PDE4D: variants seen among roughly 807,000 people sequenced by gnomAD.
PDE4D encodes the protein phosphodiesterase 4D.
PDE4D carries 24 observed loss-of-function variants against 87.4 expected under a neutral mutation model. The observed-to-expected ratio is 0.27, with a 90% CI of 0.20 to 0.39. The LOEUF is 0.39. Among genes scored for constraint, PDE4D ranks in the 10% least tolerant of loss-of-function variants. The pLI is 1.00. For synonymous variants in PDE4D, 384 were observed against 383.2 expected, an observed-to-expected ratio of 1.00 and a Z score of -0.02; for missense variants, 714 against 1,041.0, an observed-to-expected ratio of 0.69 and a Z score of 4.32.
At chr5:59,485,152 C>T (rs894399091) in intron 1 of PDE4D, among the ~76,000 whole-genome samples, 4 of 152,126 alleles carry the variant, frequency 2.6e-5, no homozygotes, top group African/African-American at 9.7e-5. Flanking sequence ...TAGCCACTAG[C>T]ACAGTGGCTT....
chr5:59,582,016 A>G (rs1303289084), intron 1 of PDE4D, among the ~76,000 whole-genome samples: 2 of 152,130 alleles, frequency 1.3e-5, no homozygotes, highest in African/African-American at 4.8e-5. Flanking sequence ...TATTGGTCCT[A>G]AGTGTTTACA....
At chr5:60,405,688 T>C (rs994572731) in intron 1 of PDE4D, among the ~76,000 whole-genome samples, 3 of 152,236 alleles carry the variant, frequency 2.0e-5, no homozygotes, top group African/African-American at 7.2e-5. Context: ...AAAAGGAATA[T>C]TTGCTGGGTA....
At chr5:59,060,477 A>T (rs1259253802) in intron 5 of PDE4D, among the ~76,000 whole-genome samples, 4 of 152,234 alleles carry the variant, frequency 2.6e-5, no homozygotes, top group East Asian at 3.9e-4. Flanking sequence ...ATATCTGTTC[A>T]TTCACCATTT....
At chr5:59,196,981 A>C (rs1162080781) in intron 2 of PDE4D, among the ~76,000 whole-genome samples, 1 of 152,128 alleles carries the variant, frequency 6.6e-6, no homozygotes, top group Non-Finnish European at 1.5e-5. Flanking sequence ...CAGATAACCA[A>C]AATTAAAATA....
intron 1 of PDE4D, among the ~76,000 whole-genome samples, chr5:59,885,566 G>C (rs989250915): frequency 6.6e-6 from 1 of 152,110 alleles, no homozygotes; most frequent in African/African-American, 2.4e-5. Flanking sequence ...GACTCATTGA[G>C]AATTGGATAA....
At chr5:59,654,878 T>C (rs1744105821) in intron 1 of PDE4D, among the ~76,000 whole-genome samples, 1 of 152,182 alleles carries the variant, frequency 6.6e-6, no homozygotes, top group Admixed American at 6.5e-5. Context: ...ATACATGTAA[T>C]AGCATGCATT....
At chr5:60,004,891 T>C (rs1387757800) in intron 2 of PDE4D, among the ~76,000 whole-genome samples, 3 of 152,140 alleles carry the variant, frequency 2.0e-5, no homozygotes, top group Non-Finnish European at 4.4e-5. Flanking sequence ...GAAAACAGTA[T>C]GAAGATTCCT....
chr5:60,191,890 C>T (rs1282993243), intron 1 of PDE4D, among the ~76,000 whole-genome samples: 2 of 151,952 alleles, frequency 1.3e-5, no homozygotes, highest in Non-Finnish European at 2.9e-5. Context: ...AACCCAGCTA[C>T]TCAAGAGGCT....
intron 1 of PDE4D, among the ~76,000 whole-genome samples, chr5:59,288,299 A>G (rs1767372536): frequency 6.6e-6 from 1 of 151,488 alleles, no homozygotes; most frequent in Non-Finnish European, 1.5e-5. Context: ...AAAACACGCA[A>G]CTGACATACT....
chr5:59,815,947 C>G (rs1040171985), intron 1 of PDE4D, among the ~76,000 whole-genome samples: 1 of 152,142 alleles, frequency 6.6e-6, no homozygotes, highest in African/African-American at 2.4e-5. Context: ...GTATTCCAAG[C>G]ATACAAAAAT....
chr5:60,164,331 CA>C (rs1229277775), intron 2 of PDE4D, among the ~76,000 whole-genome samples: 1 of 152,026 alleles, frequency 6.6e-6, no homozygotes, highest in African/African-American at 2.4e-5. Flanking sequence ...CACTGGTCAA[CA>C]AATAAACCTG....
At chr5:59,074,945 G>C (rs542741360) in intron 5 of PDE4D, among the ~76,000 whole-genome samples, 1 of 152,132 alleles carries the variant, frequency 6.6e-6, no homozygotes, top group South Asian at 2.1e-4. Flanking sequence ...ACTATTAATA[G>C]AGATTATTTT....
intron 1 of PDE4D, among the ~76,000 whole-genome samples, chr5:59,413,808 A>G (rs1469647226): frequency 2.0e-5 from 3 of 152,218 alleles, no homozygotes; most frequent in Non-Finnish European, 1.5e-5. Flanking sequence ...TAGATAAAAT[A>G]GGGACATTTT....
At chr5:59,985,148 T>TA (rs1762321012) in intron 3 of PDE4D, among the ~76,000 whole-genome samples, 2 of 126,876 alleles carry the variant, frequency 1.6e-5, no homozygotes, top group East Asian at 3.7e-4. Context: ...GTTTTTTGTT[T>TA]TTTATTTTGA....
intron 3 of PDE4D, among the ~76,000 whole-genome samples, chr5:59,984,914 A>G (rs1330431125): frequency 6.6e-6 from 1 of 152,044 alleles, no homozygotes; most frequent in Non-Finnish European, 1.5e-5. Context: ...TTGACCATCA[A>G]AGATTTGCAA....
intron 1 of PDE4D, among the ~76,000 whole-genome samples, chr5:60,404,378 G>A (rs1000427433): frequency 6.6e-6 from 1 of 152,138 alleles, no homozygotes; most frequent in Non-Finnish European, 1.5e-5. Flanking sequence ...GAAACTGGAA[G>A]TCTTCCCCAG....
intron 3 of PDE4D, among the ~76,000 whole-genome samples, chr5:59,921,313 T>G (rs1371302581): frequency 6.6e-6 from 1 of 152,162 alleles, no homozygotes; most frequent in Non-Finnish European, 1.5e-5. Flanking sequence ...AACAGCATAA[T>G]GGCCATTCAT....
intron 1 of PDE4D, among the ~76,000 whole-genome samples, chr5:59,465,967 TG>T (rs1319162862): frequency 6.6e-6 from 1 of 152,216 alleles, no homozygotes; most frequent in Non-Finnish European, 1.5e-5. Flanking sequence ...TGTTTTGTTT[TG>T]TTTTTTTAGA....
chr5:60,055,169 G>A (rs1329892604), intron 2 of PDE4D, among the ~76,000 whole-genome samples: 1 of 151,898 alleles, frequency 6.6e-6, no homozygotes, highest in Non-Finnish European at 1.5e-5. Flanking sequence ...TATATCTTTT[G>A]ATTTATCATG....
Sources: gnomAD v4.1 joint callset for allele counts (sites outside exome capture counted in the v4.1 genomes callset) on GRCh38, gnomAD v4.1.1 for gene constraint, MANE v1.5 for transcripts, NCBI Gene and HGNC (gene_info 2026-07-23, HGNC 2026-07-21) for gene names.